Variants in NKAIN2 observed in about 807,000 individuals in gnomAD.
NKAIN2 encodes the protein sodium/potassium-transporting ATPase subunit beta-1-interacting protein 2.
NKAIN2 carries 14 observed loss-of-function variants against 32.6 expected under a neutral mutation model. That is an observed-to-expected ratio of 0.43 (90% CI 0.28 to 0.67). NKAIN2 has a LOEUF of 0.67. Ranked by LOEUF, NKAIN2 falls within the 30% of genes least tolerant of loss-of-function variation. The probability of loss-of-function intolerance (pLI) is 0.17; values close to 1 mark genes in which losing one functional copy is unlikely to be tolerated. For missense variants in NKAIN2, 198 were observed against 258.3 expected (o/e 0.77, Z 1.60); for synonymous variants, 80 against 87.2 (o/e 0.92, Z 0.46).
intron 1 of NKAIN2, among the ~76,000 whole-genome samples, chr6:123,852,834 G>A (rs1775406787): frequency 6.6e-6 from 1 of 152,104 alleles, no homozygotes; most frequent in Non-Finnish European, 1.5e-5. Flanking sequence ...AACACACATT[G>A]CCACAGAAAA....
intron 1 of NKAIN2, among the ~76,000 whole-genome samples, chr6:124,091,499 C>G (rs1056730349): frequency 2.0e-5 from 3 of 151,954 alleles, no homozygotes; most frequent in African/African-American, 7.2e-5. Flanking sequence ...GACAGAGTCT[C>G]TAAACATTGA....
chr6:124,804,971 A>C (rs1780461406), intron 5 of NKAIN2, among the ~76,000 whole-genome samples: 1 of 152,214 alleles, frequency 6.6e-6, no homozygotes, highest in African/African-American at 2.4e-5. Context: ...AGGCTTGCTT[A>C]GGTAAACAAA....
chr6:124,063,675 C>A (rs528905259), intron 1 of NKAIN2, among the ~76,000 whole-genome samples: 2 of 152,136 alleles, frequency 1.3e-5, no homozygotes, highest in Admixed American at 1.3e-4. Context: ...AAATCCAGAA[C>A]TATATATTTG....
chr6:124,242,929 C>T (rs1793188012), intron 1 of NKAIN2, among the ~76,000 whole-genome samples: 1 of 151,652 alleles, frequency 6.6e-6, no homozygotes, highest in Non-Finnish European at 1.5e-5. Flanking sequence ...AGAAGAAATA[C>T]CTAATGCAGA....
intron 4 of NKAIN2, among the ~76,000 whole-genome samples, chr6:124,745,463 C>T (rs1777406246): frequency 6.6e-6 from 1 of 151,976 alleles, no homozygotes; most frequent in South Asian, 2.1e-4. Flanking sequence ...AGTATCACAG[C>T]TTTTCAAAAA....
At chr6:124,290,648 G>T (rs568235953) in intron 2 of NKAIN2, among the ~76,000 whole-genome samples, 1 of 147,552 alleles carries the variant, frequency 6.8e-6, no homozygotes, top group East Asian at 2.0e-4. Context: ...TGAATTATAC[G>T]TTGTTTTTAC....
At chr6:124,347,531 T>C (rs936519467) in intron 2 of NKAIN2, among the ~76,000 whole-genome samples, 1 of 152,182 alleles carries the variant, frequency 6.6e-6, no homozygotes, top group Non-Finnish European at 1.5e-5. Flanking sequence ...GCTTTGTTCG[T>C]TTCCTTTTAT....
At chr6:124,488,864 C>T (rs561213340) in intron 3 of NKAIN2, among the ~76,000 whole-genome samples, 2 of 151,938 alleles carry the variant, frequency 1.3e-5, no homozygotes, top group East Asian at 1.9e-4. Context: ...GTGATGGTTT[C>T]CCCAGGGCAT....
At chr6:124,203,409 G>T (rs1015752739) in intron 1 of NKAIN2, among the ~76,000 whole-genome samples, 2 of 151,894 alleles carry the variant, frequency 1.3e-5, no homozygotes, top group South Asian at 4.2e-4. Flanking sequence ...TTTATCACAG[G>T]CTCAAAAATA....
intron 3 of NKAIN2, among the ~76,000 whole-genome samples, chr6:124,531,245 T>G (rs948976845): frequency 1.3e-5 from 2 of 152,224 alleles, no homozygotes; most frequent in African/African-American, 4.8e-5. Flanking sequence ...TGTAGTATTT[T>G]GTTATGAAAG....
At chr6:124,349,985 C>G (rs1484735072) in intron 2 of NKAIN2, among the ~76,000 whole-genome samples, 1 of 152,140 alleles carries the variant, frequency 6.6e-6, no homozygotes, top group Non-Finnish European at 1.5e-5. Context: ...GAATTTTTCT[C>G]TCATCACAGA....
chr6:124,006,694 T>C lies in NKAIN2; in HGVS notation c.54+202440T>C, dbSNP rs999528313. On this transcript the variant is annotated intron_variant, in intron 1 of 6. Transcript: ENST00000368417. Reference sequence around the variant, plus strand: ...TTCTAGCAATAGTTCTGGGGTTGCCTCTGATTGGACCAGGCAGGATGCTGT... The same window carrying C: ...TTCTAGCAATAGTTCTGGGGTTGCCCCTGATTGGACCAGGCAGGATGCTGT... Among the ~76,000 whole-genome samples, 3 of 152,260 alleles carry C rather than the reference T, an allele frequency of 2.0e-5. No individual in the cohort carries two copies. The South Asian group carries it at 6.2e-4, about 32-fold the overall frequency.
chr6:124,689,826 A>C (rs1774174036), intron 4 of NKAIN2, among the ~76,000 whole-genome samples: 1 of 152,098 alleles, frequency 6.6e-6, no homozygotes, highest in Admixed American at 6.6e-5. Context: ...CTACTTATCT[A>C]ATCTTTCACT....
At chr6:124,113,285 C>T (rs7772578) in intron 1 of NKAIN2, among the ~76,000 whole-genome samples, 2,607 of 152,114 alleles carry the variant, frequency 0.017, 83 homozygotes, top group African/African-American at 0.06. Flanking sequence ...GTCTATAACC[C>T]ACTGTTTCTA....
At chr6:123,927,472 C>T (rs921652507) in intron 1 of NKAIN2, among the ~76,000 whole-genome samples, 1 of 152,140 alleles carries the variant, frequency 6.6e-6, no homozygotes. Context: ...TTAGAGATAA[C>T]CTCTACTGCC....
chr6:124,774,264 G>A (rs767703021), intron 4 of NKAIN2, among the ~76,000 whole-genome samples: 18 of 152,134 alleles, frequency 1.2e-4, no homozygotes, highest in South Asian at 2.1e-4. Context: ...GGTTAAAAAC[G>A]GTCAGATTCT....
chr6:124,529,749 G>C (rs1193092393), intron 3 of NKAIN2, among the ~76,000 whole-genome samples: 2 of 152,116 alleles, frequency 1.3e-5, no homozygotes, highest in Non-Finnish European at 2.9e-5. Flanking sequence ...TTCTACTCTT[G>C]AATTTCATAA....
At chr6:124,528,198 C>G (rs902531786) in intron 3 of NKAIN2, among the ~76,000 whole-genome samples, 1 of 152,072 alleles carries the variant, frequency 6.6e-6, no homozygotes, top group Non-Finnish European at 1.5e-5. Context: ...TAAGGGAGTA[C>G]CAATGGGATT....
At chr6:124,398,685 G>T (rs1207431620) in intron 3 of NKAIN2, among the ~76,000 whole-genome samples, 1 of 152,186 alleles carries the variant, frequency 6.6e-6, no homozygotes, top group Non-Finnish European at 1.5e-5. Context: ...TAAGAGAAAT[G>T]TTATCAACCT....
Sources: allele counts gnomAD v4.1 joint callset (sites outside exome capture counted in the v4.1 genomes callset), GRCh38; gene constraint gnomAD v4.1.1; transcripts MANE v1.5; gene names NCBI Gene and HGNC (gene_info 2026-07-23, HGNC 2026-07-21).